Variants in IL1RAPL1 observed in about 807,000 individuals in gnomAD.
The protein encoded by IL1RAPL1 is interleukin-1 receptor accessory protein-like 1.
A neutral mutation model predicts 48.4 loss-of-function variants in IL1RAPL1; 3 were observed. The observed-to-expected ratio is 0.06, with a 90% CI of 0.03 to 0.16. IL1RAPL1 has a LOEUF of 0.16. Among genes scored for constraint, IL1RAPL1 ranks in the 10% least tolerant of loss-of-function variants. The pLI, the probability that IL1RAPL1 is intolerant of heterozygous loss-of-function variation, is 1.00. For missense variants in IL1RAPL1, 349 were observed against 530.6 expected, an observed-to-expected ratio of 0.66 and a Z score of 3.36; for synonymous variants, 185 against 187.7, an observed-to-expected ratio of 0.99 and a Z score of 0.12.
At chrX:29,163,600 A>T (rs1246134675) in intron 2 of IL1RAPL1, among the ~76,000 whole-genome samples, 1 of 111,427 alleles carries the variant, frequency 9.0e-6, no homozygotes, top group Non-Finnish European at 1.9e-5. Context: ...GTGAGAGGTA[A>T]TAAGACCTCT....
At chrX:29,421,617 A>C (rs1934291985) in intron 5 of IL1RAPL1, among the ~76,000 whole-genome samples, 1 of 111,478 alleles carries the variant, frequency 9.0e-6, no homozygotes, top group Admixed American at 9.5e-5. Context: ...GAAAAAAAAA[A>C]TCTCTGGTCT....
chrX:29,391,436 C>T (rs1462639749), intron 3 of IL1RAPL1, among the ~76,000 whole-genome samples: 1 of 111,229 alleles, frequency 9.0e-6, no homozygotes, highest in Non-Finnish European at 1.9e-5. Context: ...GGACTCAAAG[C>T]CAGTGCTTCA....
At chrX:29,872,843 T>G (rs1351543064) in intron 6 of IL1RAPL1, among the ~76,000 whole-genome samples, 1 of 112,556 alleles carries the variant, frequency 8.9e-6, no homozygotes, top group African/African-American at 3.2e-5. Flanking sequence ...AGAATTCTAG[T>G]TCTATCACAT....
chrX:29,548,241 G>A (rs1270582580), intron 5 of IL1RAPL1, among the ~76,000 whole-genome samples: 1 of 112,406 alleles, frequency 8.9e-6, no homozygotes, highest in African/African-American at 3.2e-5. Context: ...TTATGCTGCA[G>A]GTTTTATGCT....
rs777859481 is a variant in IL1RAPL1 at position 28,699,328 on chromosome X, A to G, written c.-24-89992A>G. Among the ~76,000 whole-genome samples the G allele has an allele frequency of 3.6e-5, 4 of 112,203 alleles. No homozygotes were observed. In the South Asian group the frequency reaches 1.1e-3, roughly 31 times the overall value. On this transcript the variant is annotated intron_variant, in intron 1 of 10. Transcript: ENST00000378993. ...CACATTCAGCAGACTGCTATGTACA[A>G]AGAAAGTGTTCAATAGGTGTGTCTG...
intron 6 of IL1RAPL1, among the ~76,000 whole-genome samples, chrX:29,871,585 C>A (rs761613870): frequency 2.7e-5 from 3 of 112,282 alleles, no homozygotes; most frequent in Non-Finnish European, 5.6e-5. Flanking sequence ...CCCACACATT[C>A]CTATTTAGCC....
chrX:28,796,672 C>A lies in IL1RAPL1; in HGVS notation c.82+7247C>A, dbSNP rs185759103. Among the ~76,000 whole-genome samples the A allele has an allele frequency of 4.5e-4, 50 of 111,497 alleles. No individual in the cohort carries two copies. In the East Asian group the frequency reaches 0.012, roughly 26 times the overall value. On this transcript the variant is annotated intron_variant, in intron 2 of 10. Transcript: ENST00000378993. ...TCTACCCCCGTGGCTTTGCAGGGTA[C>A]AGCCTCCCTCCCAGCTGCTTTCACG...
chrX:29,332,690 C>T (rs1471673016), intron 3 of IL1RAPL1, among the ~76,000 whole-genome samples: 106 of 101,808 alleles, frequency 1.0e-3, no homozygotes, highest in Middle Eastern at 4.6e-3. Flanking sequence ...GGGTGTTTCT[C>T]GCAGAGGGGG....
intron 3 of IL1RAPL1, among the ~76,000 whole-genome samples, chrX:29,316,738 G>A (rs1188861699): frequency 9.0e-6 from 1 of 111,726 alleles, no homozygotes; most frequent in East Asian, 2.8e-4. Flanking sequence ...TAAGCAGGAA[G>A]GAATGTTTTA....
intron 2 of IL1RAPL1, among the ~76,000 whole-genome samples, chrX:28,952,901 A>G (rs896033039): frequency 2.7e-5 from 3 of 111,619 alleles, no homozygotes; most frequent in African/African-American, 9.7e-5. Context: ...AGGATAAAAC[A>G]AGGGTCATGA....
In IL1RAPL1 at chrX:29,230,523, A is replaced by AAAAAAAC. The variant is rs1569265296; in HGVS notation, c.83-52409_83-52408insCAAAAAA. Among the ~76,000 whole-genome samples the AAAAAAAC allele has an allele frequency of 8.6e-5, 8 of 93,329 alleles. No individual in the cohort carries two copies. In the East Asian group the frequency reaches 1.6e-3, roughly 19 times the overall value. The allele number at this position is 93,329 out of a possible 115,157, so 81.0% of individuals were successfully genotyped here. The stretch of plus-strand genomic sequence containing the variant: ...CTTTACCAAAAAAAAAAAAAAAAAA[A>AAAAAAAC]AAAAAAAAAAAACCTTGTTGTCTCT... On this transcript the variant is annotated intron_variant, in intron 2 of 10. Coordinates refer to ENST00000378993, the MANE Select transcript of IL1RAPL1 (RefSeq NM_014271.4).
At chrX:28,600,468 C>A (rs1601829875) in intron 1 of IL1RAPL1, among the ~76,000 whole-genome samples, 1 of 91,761 alleles carries the variant, frequency 1.1e-5, no homozygotes, top group Admixed American at 1.3e-4. Context: ...CTCGGTGGTT[C>A]ATGTGCCTGA....
At chrX:28,991,766 T>G (rs1925608757) in intron 2 of IL1RAPL1, among the ~76,000 whole-genome samples, 1 of 112,552 alleles carries the variant, frequency 8.9e-6, no homozygotes, top group Admixed American at 9.4e-5. Context: ...AAAATAACAT[T>G]TTTCAAAATG....
intron 3 of IL1RAPL1, among the ~76,000 whole-genome samples, chrX:29,329,701 T>C (rs747608696): frequency 9.2e-6 from 1 of 108,454 alleles, no homozygotes; most frequent in Non-Finnish European, 1.9e-5. Flanking sequence ...TAGACCCAGA[T>C]ACTCGGGAGG....
intron 5 of IL1RAPL1, among the ~76,000 whole-genome samples, chrX:29,419,627 G>T (rs948548179): frequency 1.9e-4 from 21 of 112,050 alleles, no homozygotes; most frequent in Non-Finnish European, 2.6e-4. Flanking sequence ...GGCCTACTCA[G>T]ATAATTTTTA....
In IL1RAPL1 at chrX:29,339,026, C is replaced by T. The variant is rs140847722; in HGVS notation, c.362+55809C>T. Among the ~76,000 whole-genome samples the T allele has an allele frequency of 7.7e-3, 824 of 107,519 alleles. 6 individuals carry two copies. Among genetic ancestry groups the T allele is most frequent in the Admixed American group, 0.015 (151 of 9,850 alleles). The allele number at this position is 107,519 out of a possible 115,157, so 93.4% of individuals were successfully genotyped here. On this transcript the variant is annotated intron_variant, in intron 3 of 10. Transcript: ENST00000378993. Reference sequence around the variant, plus strand: ...AATAATATGTTCGGCCCACCCGAGCCGCAGGTACTGAGAACTGTGATCTGT... The same window carrying T: ...AATAATATGTTCGGCCCACCCGAGCTGCAGGTACTGAGAACTGTGATCTGT...
At chrX:28,780,714 A>C (rs1936414246) in intron 1 of IL1RAPL1, among the ~76,000 whole-genome samples, 1 of 110,214 alleles carries the variant, frequency 9.1e-6, no homozygotes, top group African/African-American at 3.3e-5. Context: ...AAACATAGCA[A>C]TGTGGAGGAG....
intron 2 of IL1RAPL1, among the ~76,000 whole-genome samples, chrX:29,088,690 A>G (rs757218695): frequency 8.8e-4 from 96 of 108,489 alleles, no homozygotes; most frequent in African/African-American, 2.2e-3. Flanking sequence ...AAAAAAAAAA[A>G]AAAAAGAAAA....
rs944331813 is a variant in IL1RAPL1 at position 29,352,298 on chromosome X, C to T, written c.363-43960C>T. On this transcript the variant is annotated intron_variant, in intron 3 of 10. Coordinates refer to ENST00000378993, the MANE Select transcript of IL1RAPL1 (RefSeq NM_014271.4). ...TCTATTTCAATGAGCTGATCAGTTT[C>T]CCTGGAATGTTATTTGTGGGGATTC... 2.7e-5 allele frequency among the ~76,000 whole-genome samples: 3 copies of T among 110,711 alleles called. No homozygotes were observed. In the Admixed American group the frequency reaches 2.9e-4, roughly 11 times the overall value.
Sources: allele counts gnomAD v4.1 joint callset (sites outside exome capture counted in the v4.1 genomes callset), GRCh38; gene constraint gnomAD v4.1.1; transcripts MANE v1.5; gene names NCBI Gene and HGNC (gene_info 2026-07-23, HGNC 2026-07-21).